The following KIF14 variants were observed in gnomAD, a reference collection of about 807,000 sequenced individuals.
KIF14 encodes the protein kinesin-like protein KIF14.
In KIF14, 98 loss-of-function variants were observed where a neutral mutation model predicts 176.2. That is an observed-to-expected ratio of 0.56 (90% CI 0.47 to 0.66). KIF14 has a LOEUF of 0.66. Ranked by LOEUF, KIF14 falls within the 30% of genes least tolerant of loss-of-function variation. The pLI is 0.00. For synonymous variants in KIF14, 566 were observed against 632.2 expected (o/e 0.90, Z 1.57); for missense variants, 1,751 against 1,920.4 (o/e 0.91, Z 1.65).
intron 27 of KIF14, among the ~76,000 whole-genome samples, chr1:200,557,185 G>T (rs1247116119): frequency 1.9e-4 from 29 of 152,166 alleles, no homozygotes; most frequent in Admixed American, 1.8e-3. Flanking sequence ...TGTATTTTTA[G>T]TAGACACGGG....
At chr1:200,572,898 G>A (rs184043081) in intron 22 of KIF14, among the ~76,000 whole-genome samples, 54 of 152,246 alleles carry the variant, frequency 3.5e-4, no homozygotes, top group Non-Finnish European at 2.5e-4. Context: ...TCACTTCAGT[G>A]CCAAAGGCCA....
chr1:200,600,600 T>G, intron 11 of KIF14, 97 bp from the exon 12 acceptor site: 1 of 826,182 alleles, frequency 1.2e-6, no homozygotes, highest in South Asian at 1.7e-5. Context: ...CATTTGAAGT[T>G]TTAAATACAG....
intron 4 of KIF14, among the ~76,000 whole-genome samples, chr1:200,611,098 G>A (rs974156483): frequency 6.6e-6 from 1 of 152,110 alleles, no homozygotes; most frequent in African/African-American, 2.4e-5. Context: ...GGCCAAAAAC[G>A]GGAAACTTTG....
At chr1:200,602,653 G>A (rs1227392081) in intron 10 of KIF14, among the ~76,000 whole-genome samples, 1 of 152,136 alleles carries the variant, frequency 6.6e-6, no homozygotes, top group Non-Finnish European at 1.5e-5. Context: ...AAGTAAAGAT[G>A]CAGTCCTTAT....
chr1:200,591,160 A>G (rs758794561), intron 16 of KIF14, among the ~76,000 whole-genome samples: 2 of 152,228 alleles, frequency 1.3e-5, no homozygotes, highest in Non-Finnish European at 2.9e-5. Flanking sequence ...AATTAAAAAA[A>G]TTCTTTTTAA....
chr1:200,604,430 G>A (rs1337980277), intron 8 of KIF14, among the ~76,000 whole-genome samples: 1 of 152,044 alleles, frequency 6.6e-6, no homozygotes, highest in Non-Finnish European at 1.5e-5. Flanking sequence ...ACGGTCTACT[G>A]AAAAGAATAT....
chr1:200,565,184 A>T lies in KIF14; in HGVS notation c.3956T>A (p.Val1319Glu). The T allele has an allele frequency of 1.2e-6, 2 of 1,614,016 alleles. No individual in the cohort carries two copies. The highest frequency in any genetic ancestry group is 2.2e-5 in the South Asian group (2 of 91,072). ...QTACAFEQLV[V>E]LMKHWLSDLL... ...ATCACTCAGCCAGTGTTTCATTAGC[A>T]CTACTAGCTGCTCAAAAGCACATGC... is the stretch of plus-strand genomic sequence containing the variant. The change falls in exon 25 of 30, where the codon GTG becomes GAG. Residue 1319 changes from valine (V) to glutamate (E), a missense_variant. Physicochemically the swap from Val to Glu is moderately radical, Grantham distance 121. Coordinates refer to ENST00000367350, the MANE Select transcript of KIF14 (RefSeq NM_014875.3).
chr1:200,616,495 T>A (rs1461282327), intron 2 of KIF14, among the ~76,000 whole-genome samples: 1 of 152,172 alleles, frequency 6.6e-6, no homozygotes, highest in African/African-American at 2.4e-5. Context: ...CAACTCACCC[T>A]CAGTTCTCCC....
At chr1:200,596,367 C>T (rs1215770755) in intron 14 of KIF14, among the ~76,000 whole-genome samples, 1 of 152,034 alleles carries the variant, frequency 6.6e-6, no homozygotes, top group Middle Eastern at 3.2e-3. Context: ...CTACAGATTC[C>T]AAAAGAAGCA....
chr1:200,563,870 C>T (rs1425816010), intron 25 of KIF14, among the ~76,000 whole-genome samples: 1 of 152,132 alleles, frequency 6.6e-6, no homozygotes, highest in African/African-American at 2.4e-5. Context: ...TACATTTCCT[C>T]ATGATACTTG....
At chr1:200,562,674 T>C (rs1657226206) in intron 25 of KIF14, among the ~76,000 whole-genome samples, 1 of 152,204 alleles carries the variant, frequency 6.6e-6, no homozygotes, top group African/African-American at 2.4e-5. Flanking sequence ...TCTGGCTCTC[T>C]AGCTTTGCTC....
chr1:200,590,074 AC>A, intron 17 of KIF14, 50 bp downstream of exon 17: 12 of 1,546,704 alleles, frequency 7.8e-6, no homozygotes, highest in Non-Finnish European at 1.0e-5. Flanking sequence ...GCAACACATC[AC>A]TTGGGGTACA....
intron 20 of KIF14, 71 bp from the exon 21 acceptor site, chr1:200,580,454 G>C: frequency 9.7e-7 from 1 of 1,035,880 alleles, no homozygotes; most frequent in African/African-American, 1.7e-5. Flanking sequence ...GAGTTTTCTG[G>C]GGTAGAATAA....
intron 14 of KIF14, among the ~76,000 whole-genome samples, 158 bp from the exon 15 acceptor site, chr1:200,593,927 G>GTTTTTTTTTTTTTTTTTTTTTTTTT: frequency 9.9e-6 from 1 of 100,528 alleles, no homozygotes; most frequent in Non-Finnish European, 1.8e-5. Context: ...CCTCCAACTA[G>GTTTTTTTTTTTTTTTTTTTTTTTTT]TTTTTTTTTT....
chr1:200,600,168 G>T, intron 12 of KIF14, 55 bp from the exon 13 acceptor site: 2 of 1,323,832 alleles, frequency 1.5e-6, no homozygotes, highest in South Asian at 2.5e-5. Context: ...GTATAAGATT[G>T]AGAGTCAAGA....
At position 200,600,425 on chromosome 1, in the gene KIF14, C is replaced by G; in HGVS notation, c.2231G>C (p.Cys744Ser). The change falls in exon 12 of 30, where the codon TGT (cysteine) becomes TCT (serine). Residue 744 changes from cysteine to serine, a missense_variant. Transcript: ENST00000367350. ...TCTTAAGGATGTTATTTCTTGCCGACAGAGCCTGTATCGTTCAGGGTCAAT... is the reference window on the plus strand; with the variant it reads ...TCTTAAGGATGTTATTTCTTGCCGAGAGAGCCTGTATCGTTCAGGGTCAAT... ...RNIDPERYRL[C>S]RQEITSLRMK... The G allele has an allele frequency of 6.2e-7, 1 of 1,613,894 alleles. No homozygotes were observed. Among genetic ancestry groups the G allele is most frequent in the South Asian group, 1.1e-5 (1 of 91,080 alleles).
rs1217085822 is a variant in KIF14 at position 200,552,910 on chromosome 1, A to AGC, written c.*477_*478insGC. 4 of 90,796 alleles carry AGC rather than the reference A, an allele frequency of 4.4e-5. No individual in the cohort carries two copies. The highest frequency in any genetic ancestry group is 2.7e-4 in the African/African-American group (4 of 14,620). The allele number at this position is 90,796 out of a possible 1,614,324, so 5.6% of individuals were successfully genotyped here. On this transcript the variant is annotated 3_prime_UTR_variant, in exon 30 of 30. Transcript: ENST00000367350. ...AATGTTAAACACTTTAAAGATAAAA[A>AGC]TATATTTTATTTATTTATTTATTTA...
chr1:200,612,127 C>T (rs1032720016), intron 4 of KIF14, among the ~76,000 whole-genome samples: 7 of 151,902 alleles, frequency 4.6e-5, no homozygotes, highest in African/African-American at 1.7e-4. Flanking sequence ...CTCAGCCTCC[C>T]GAATAGCTAG....
intron 2 of KIF14, among the ~76,000 whole-genome samples, chr1:200,616,333 G>C (rs1316163572): frequency 2.6e-5 from 4 of 152,148 alleles, no homozygotes; most frequent in Non-Finnish European, 5.9e-5. Context: ...TGCTTTCAAG[G>C]CTTGTCTGAT....
Sources: gnomAD v4.1 joint callset for allele counts (sites outside exome capture counted in the v4.1 genomes callset) on GRCh38, gnomAD v4.1.1 for gene constraint, MANE v1.5 for transcripts, NCBI Gene and HGNC (gene_info 2026-07-23, HGNC 2026-07-21) for gene names.